The following PEX5L variants were observed in gnomAD, a reference collection of about 807,000 sequenced individuals.
The protein encoded by PEX5L is PEX5-related protein.
PEX5L carries 30 observed loss-of-function variants against 84.0 expected under a neutral mutation model. That is an observed-to-expected ratio of 0.36 (90% CI 0.27 to 0.48). The LOEUF is 0.48. PEX5L is among the 20% of genes least tolerant of loss of function. The pLI is 0.99. For missense variants in PEX5L, 533 were observed against 754.6 expected (o/e 0.71, Z 3.44); for synonymous variants, 270 against 283.1 (o/e 0.95, Z 0.46).
chr3:179,846,169 CA>C (rs796700962), intron 8 of PEX5L, among the ~76,000 whole-genome samples: 5 of 150,468 alleles, frequency 3.3e-5, no homozygotes, highest in African/African-American at 1.2e-4. Flanking sequence ...GACTCTGTCT[CA>C]AAAAAACAAA....
intron 1 of PEX5L, among the ~76,000 whole-genome samples, chr3:180,025,672 G>T (rs1370950599): frequency 6.6e-6 from 1 of 151,912 alleles, no homozygotes; most frequent in Non-Finnish European, 1.5e-5. Flanking sequence ...AATTGAGGAC[G>T]AGGAAATAAA....
At chr3:180,010,320 C>A (rs1789343368) in intron 1 of PEX5L, among the ~76,000 whole-genome samples, 1 of 138,072 alleles carries the variant, frequency 7.2e-6, no homozygotes, top group African/African-American at 2.8e-5. Flanking sequence ...AACTCCTGGG[C>A]TCAAGCCATT....
Position 179,805,146 on chromosome 3 carries a change from CTTTTTTTTT to C in PEX5L, c.1676+2519_1676+2527del, listed in dbSNP as rs777171015. Reference sequence around the variant, plus strand: ...AAAAAATTACGTCTCACTCGATGGTCTTTTTTTTTTTTTTTTTTTTTTTCAGGAAAAAGC... The same window carrying C: ...AAAAAATTACGTCTCACTCGATGGTCTTTTTTTTTTTTTTCAGGAAAAAGC... On this transcript the variant is annotated intron_variant, in intron 14 of 14. Transcript: ENST00000467460. 1.0e-4 allele frequency among the ~76,000 whole-genome samples: 9 copies of C among 86,464 alleles called. No individual in the cohort carries two copies. The South Asian group carries it at 1.3e-3, about 13-fold the overall frequency. 56.7% of individuals were successfully genotyped at this position (86,464 alleles called of 152,430 possible). A position where few individuals can be genotyped will look rare whatever the true frequency, so the allele number is the denominator to read the frequency against.
At chr3:179,968,710 T>TGA (rs1370948342) in intron 2 of PEX5L, among the ~76,000 whole-genome samples, 8 of 131,626 alleles carry the variant, frequency 6.1e-5, no homozygotes, top group Admixed American at 5.5e-4. Context: ...TGTGTGTGTG[T>TGA]GTGTGTGTGT....
intron 1 of PEX5L, among the ~76,000 whole-genome samples, chr3:179,995,179 A>C (rs936969744): frequency 2.0e-5 from 3 of 148,052 alleles, no homozygotes; most frequent in African/African-American, 7.4e-5. Flanking sequence ...ATATGTATAT[A>C]CACTATATAC....
chr3:179,962,767 C>A (rs1462099550), intron 2 of PEX5L, among the ~76,000 whole-genome samples: 2 of 152,184 alleles, frequency 1.3e-5, no homozygotes, highest in Admixed American at 1.3e-4. Flanking sequence ...TACCAAATGG[C>A]TGAGTCTAAT....
At chr3:179,866,693 A>AT (rs931123885) in intron 7 of PEX5L, among the ~76,000 whole-genome samples, 15 of 151,412 alleles carry the variant, frequency 9.9e-5, no homozygotes, top group South Asian at 2.1e-4. Context: ...AATACCCAGG[A>AT]TTTTTTTTTC....
intron 2 of PEX5L, among the ~76,000 whole-genome samples, chr3:179,928,338 C>T (rs1366766118): frequency 6.6e-6 from 1 of 152,168 alleles, no homozygotes; most frequent in Non-Finnish European, 1.5e-5. Context: ...ACATTTTCAG[C>T]CTGTGATCCA....
intron 2 of PEX5L, among the ~76,000 whole-genome samples, chr3:179,947,220 A>C (rs905001326): frequency 2.4e-4 from 37 of 152,228 alleles, no homozygotes; most frequent in Admixed American, 3.9e-4. Flanking sequence ...AAACACTAAA[A>C]AATTCTGCAA....
chr3:179,937,981 G>A (rs1422671508), intron 2 of PEX5L, among the ~76,000 whole-genome samples: 1 of 151,534 alleles, frequency 6.6e-6, no homozygotes, highest in Non-Finnish European at 1.5e-5. Flanking sequence ...CGCTTCCATC[G>A]ACTCCACCAC....
Position 179,975,388 on chromosome 3 carries a change from G to A in PEX5L, c.22-3723C>T, listed in dbSNP as rs1402504074. ...GTTTTAATTGAAAAATACTAGTTGT[G>A]TATGAATTGAATTAAAAGGACTCTT... On this transcript the variant is annotated intron_variant, in intron 1 of 14. Transcript: ENST00000467460. Among the ~76,000 whole-genome samples, 6 of 152,210 alleles carry A rather than the reference G, an allele frequency of 3.9e-5. No homozygotes were observed. The East Asian group carries it at 1.2e-3, about 29-fold the overall frequency.
At chr3:179,873,680 G>A (rs775390130) in intron 7 of PEX5L, among the ~76,000 whole-genome samples, 3 of 152,132 alleles carry the variant, frequency 2.0e-5, no homozygotes, top group Non-Finnish European at 4.4e-5. Flanking sequence ...TTAGCTGAGT[G>A]TCCCAGGAAA....
chr3:179,856,018 G>A (rs985834117), intron 8 of PEX5L, among the ~76,000 whole-genome samples: 5 of 152,176 alleles, frequency 3.3e-5, no homozygotes, highest in Admixed American at 6.5e-5. Flanking sequence ...GGTGAGAATC[G>A]TTGCTTTGCA....
chr3:180,000,078 T>C (rs1788256150), intron 1 of PEX5L, among the ~76,000 whole-genome samples: 1 of 152,186 alleles, frequency 6.6e-6, no homozygotes, highest in Non-Finnish European at 1.5e-5. Context: ...TCACCTCTAG[T>C]GATCCACTAG....
At chr3:179,876,072 T>C (rs1752286550) in intron 5 of PEX5L, among the ~76,000 whole-genome samples, 1 of 152,222 alleles carries the variant, frequency 6.6e-6, no homozygotes, top group Non-Finnish European at 1.5e-5. Context: ...GCCAAGGGAA[T>C]GCTGGAACCA....
chr3:179,807,973 A>C, intron 13 of PEX5L, 142 bp from the exon 14 acceptor site: 1 of 738,606 alleles, frequency 1.4e-6, no homozygotes, highest in East Asian at 2.6e-5. Context: ...GTGAATTACT[A>C]AAAAATCTTC....
At chr3:180,027,499 T>C (rs1791073032) in intron 1 of PEX5L, among the ~76,000 whole-genome samples, 1 of 152,204 alleles carries the variant, frequency 6.6e-6, no homozygotes, top group Non-Finnish European at 1.5e-5. Context: ...TCTCTCTATG[T>C]ATATATACAC....
chr3:179,971,791 T>A (rs982933824), intron 1 of PEX5L, 126 bp from the exon 2 acceptor site: 2 of 941,758 alleles, frequency 2.1e-6, no homozygotes, highest in Non-Finnish European at 2.9e-6. Flanking sequence ...ATTCTTTATA[T>A]AAATTGCTCA....
chr3:179,997,558 G>A (rs1040515075), intron 1 of PEX5L, among the ~76,000 whole-genome samples: 9 of 152,216 alleles, frequency 5.9e-5, no homozygotes, highest in African/African-American at 2.2e-4. Flanking sequence ...CATCCCTGGA[G>A]GGGTTGCAGA....
Sources: gnomAD v4.1 joint callset for allele counts (sites outside exome capture counted in the v4.1 genomes callset) on GRCh38, gnomAD v4.1.1 for gene constraint, MANE v1.5 for transcripts, NCBI Gene and HGNC (gene_info 2026-07-23, HGNC 2026-07-21) for gene names.